The following PDCD1LG2 variants were observed in gnomAD, a reference collection of about 807,000 sequenced individuals.
The protein encoded by PDCD1LG2 is B7 dendritic cell molecule.
In PDCD1LG2, 32 loss-of-function variants were observed where a neutral mutation model predicts 28.2. The observed-to-expected ratio is 1.13, with a 90% CI of 0.86 to 1.52. PDCD1LG2 has a LOEUF of 1.52. PDCD1LG2 is among the 40% of genes most tolerant of loss of function. The pLI is 0.00. For missense variants in PDCD1LG2, 385 were observed against 323.8 expected, an observed-to-expected ratio of 1.19 and a Z score of -1.45; for synonymous variants, 116 against 120.2, an observed-to-expected ratio of 0.97 and a Z score of 0.23.
At chr9:5,517,248 A>C (rs1320564955) in intron 1 of PDCD1LG2, among the ~76,000 whole-genome samples, 2 of 152,164 alleles carry the variant, frequency 1.3e-5, no homozygotes, top group African/African-American at 4.8e-5. Flanking sequence ...AAAACAATGA[A>C]AGTGTCCGGG....
intron 6 of PDCD1LG2, among the ~76,000 whole-genome samples, chr9:5,563,621 A>G (rs1816610141): frequency 6.6e-6 from 1 of 152,226 alleles, no homozygotes; most frequent in Admixed American, 6.5e-5. Flanking sequence ...TGAGGTTGAC[A>G]GGTTTGGAGC....
intron 2 of PDCD1LG2, among the ~76,000 whole-genome samples, 188 bp from the exon 3 acceptor site, chr9:5,534,557 C>T (rs559421131): frequency 3.9e-5 from 6 of 152,198 alleles, no homozygotes; most frequent in South Asian, 2.1e-4. Context: ...CTCAGATCAG[C>T]GGGTCAAGAA....
intron 1 of PDCD1LG2, among the ~76,000 whole-genome samples, chr9:5,521,109 C>T (rs10975157): frequency 6.6e-6 from 1 of 152,040 alleles, no homozygotes; most frequent in South Asian, 2.1e-4. Flanking sequence ...AAAAAGCCAG[C>T]CACAAAAGTC....
At chr9:5,546,690 T>A (rs1264464471) in intron 3 of PDCD1LG2, among the ~76,000 whole-genome samples, 1 of 152,224 alleles carries the variant, frequency 6.6e-6, no homozygotes, top group Non-Finnish European at 1.5e-5. Flanking sequence ...ACACATCCTC[T>A]TATGGTGATT....
Position 5,510,673 on chromosome 9 carries a change from T to C in PDCD1LG2, c.-145T>C, listed in dbSNP as rs1820039800. ...AGAATCCTGGGTTGGAGCTACTGCA[T>C]GTTGATTGTTTTGTTTTTCCTTTTG... On this transcript the variant is annotated 5_prime_UTR_variant, in exon 1 of 7. It removes an upstream start codon present in the reference 5' UTR. Coordinates refer to ENST00000397747, the MANE Select transcript of PDCD1LG2 (RefSeq NM_025239.4). 6.5e-6 allele frequency: 1 copy of C among 152,690 alleles called. No individual in the cohort carries two copies. Among genetic ancestry groups the C allele is most frequent in the African/African-American group, 2.4e-5 (1 of 41,464 alleles). The allele number at this position is 152,690 out of a possible 1,614,324, so 9.5% of individuals were successfully genotyped here.
intron 3 of PDCD1LG2, among the ~76,000 whole-genome samples, chr9:5,546,498 A>G (rs575697089): frequency 6.6e-6 from 1 of 152,334 alleles, no homozygotes; most frequent in East Asian, 1.9e-4. Context: ...ATTATGAAAG[A>G]TAGGCCAAAG....
At chr9:5,530,808 C>T (rs1447983402) in intron 2 of PDCD1LG2, among the ~76,000 whole-genome samples, 1 of 152,206 alleles carries the variant, frequency 6.6e-6, no homozygotes, top group Non-Finnish European at 1.5e-5. Flanking sequence ...AGTCCAAATG[C>T]AGACCAGTGT....
At chr9:5,516,822 G>C (rs1820174629) in intron 1 of PDCD1LG2, among the ~76,000 whole-genome samples, 1 of 152,240 alleles carries the variant, frequency 6.6e-6, no homozygotes, top group African/African-American at 2.4e-5. Context: ...TGCCAGGAGT[G>C]GGAAGAGGCC....
intron 1 of PDCD1LG2, among the ~76,000 whole-genome samples, chr9:5,514,540 C>T (rs1052164849): frequency 2.0e-5 from 3 of 152,084 alleles, no homozygotes; most frequent in African/African-American, 7.2e-5. Context: ...AAAGATACAA[C>T]TTCCTAATGC....
chr9:5,566,078 C>T (rs1288070680), intron 6 of PDCD1LG2, among the ~76,000 whole-genome samples: 1 of 152,014 alleles, frequency 6.6e-6, no homozygotes, highest in Admixed American at 6.6e-5. Context: ...CATCCCAAAA[C>T]CATCCATTAT....
intron 3 of PDCD1LG2, among the ~76,000 whole-genome samples, chr9:5,546,260 G>C (rs764864569): frequency 1.3e-5 from 2 of 151,972 alleles, no homozygotes; most frequent in Non-Finnish European, 2.9e-5. Flanking sequence ...CAGTTTCTTG[G>C]TCCAAGCCAC....
chr9:5,542,567 C>T (rs1481071944), intron 3 of PDCD1LG2, among the ~76,000 whole-genome samples: 5 of 152,264 alleles, frequency 3.3e-5, no homozygotes, highest in African/African-American at 4.8e-5. Flanking sequence ...ACACAAATGA[C>T]CAACGAGCAT....
chr9:5,546,807 A>G (rs1816217936), intron 3 of PDCD1LG2, among the ~76,000 whole-genome samples: 1 of 152,222 alleles, frequency 6.6e-6, no homozygotes, highest in South Asian at 2.1e-4. Flanking sequence ...GTATATTTAT[A>G]CATTAGGGGG....
chr9:5,547,603 G>A (rs534133217), intron 3 of PDCD1LG2, among the ~76,000 whole-genome samples: 1 of 151,970 alleles, frequency 6.6e-6, no homozygotes, highest in Admixed American at 6.5e-5. Flanking sequence ...TATATTTATG[G>A]GGTACAATAT....
Position 5,569,238 on chromosome 9 carries a change from G to C in PDCD1LG2, c.817-716G>C, listed in dbSNP as rs62556131. ...AACTGAGGCAAGTTTAATTTATAAAGGTGTGTGCAGCATTAAGGGAAACCA... is the reference window on the plus strand; with the variant it reads ...AACTGAGGCAAGTTTAATTTATAAACGTGTGTGCAGCATTAAGGGAAACCA... On this transcript the variant is annotated intron_variant, in intron 6 of 6. Coordinates refer to ENST00000397747, the MANE Select transcript of PDCD1LG2 (RefSeq NM_025239.4). This position sits in a 1 kb window ranked among gnomAD's most constrained non-coding sequence, Gnocchi z 4.1. Among the ~76,000 whole-genome samples the C allele has an allele frequency of 6.6e-6, 1 of 152,160 alleles. No individual in the cohort carries two copies. The highest frequency in any genetic ancestry group is 2.4e-5 in the African/African-American group (1 of 41,426).
At chr9:5,541,428 G>A (rs936689436) in intron 3 of PDCD1LG2, among the ~76,000 whole-genome samples, 3 of 152,160 alleles carry the variant, frequency 2.0e-5, no homozygotes, top group Non-Finnish European at 4.4e-5. Flanking sequence ...GCTGTTTGCT[G>A]ATGATATGAT....
At position 5,511,652 on chromosome 9, in the gene PDCD1LG2, G is replaced by A. The variant is rs1820061494; in HGVS notation, c.-15+849G>A. Among the ~76,000 whole-genome samples, 4 of 152,290 alleles carry A rather than the reference G, an allele frequency of 2.6e-5. No individual in the cohort carries two copies. The South Asian group carries it at 8.3e-4, about 32-fold the overall frequency. Reference sequence around the variant, plus strand: ...TTGTATCAGGGTCAAATACGGAGTTGGCCTGGATGTCCTCCAAGCTCCTTT... The same window carrying A: ...TTGTATCAGGGTCAAATACGGAGTTAGCCTGGATGTCCTCCAAGCTCCTTT... On this transcript the variant is annotated intron_variant, in intron 1 of 6. Transcript: ENST00000397747.
At chr9:5,513,699 T>C (rs1820103887) in intron 1 of PDCD1LG2, among the ~76,000 whole-genome samples, 1 of 152,226 alleles carries the variant, frequency 6.6e-6, no homozygotes, top group South Asian at 2.1e-4. Flanking sequence ...ATGCCACAGA[T>C]GGTTTAGAGA....
At position 5,557,731 on chromosome 9, in the gene PDCD1LG2, C is replaced by T; in HGVS notation, c.745C>T (p.Gln249Ter). ...GATAGCCCTAAGAAAACAACTCTGT[C>T]AAAAGCTGTATTCTTCAAAAGGTAA... ...TVIALRKQLC[Q>*]KLYSSKDTTK... Residue 249 changes from glutamine (Q) to a stop codon, truncating the protein, a stop_gained, in exon 5 of 7, where the codon CAA (glutamine) becomes TAA (stop). Transcript: ENST00000397747. LOFTEE classifies it high-confidence loss of function. The T allele has an allele frequency of 1.2e-6, 2 of 1,613,880 alleles. No individual in the cohort carries two copies. The highest frequency in any genetic ancestry group is 1.7e-6 in the Non-Finnish European group (2 of 1,179,820).
Sources: allele counts gnomAD v4.1 joint callset (sites outside exome capture counted in the v4.1 genomes callset), GRCh38; gene constraint gnomAD v4.1.1; non-coding constraint Gnocchi (gnomAD v3.1); transcripts MANE v1.5; gene names NCBI Gene and HGNC (gene_info 2026-07-23, HGNC 2026-07-21).